PIEZO2: variants seen among roughly 807,000 people sequenced by gnomAD.
PIEZO2 encodes piezo type mechanosensitive ion channel component 2, also known as piezo-type mechanosensitive ion channel component 2.
In PIEZO2, 172 loss-of-function variants were observed where a neutral mutation model predicts 337.3. The ratio of observed to expected loss-of-function variants is 0.51; its 90% CI spans 0.45 to 0.58. The LOEUF (loss-of-function observed/expected upper bound fraction) is 0.58, where lower values mean the gene tolerates loss of function less well. PIEZO2 is among the 20% of genes least tolerant of loss of function. The pLI, the probability that PIEZO2 is intolerant of heterozygous loss-of-function variation, is 0.00. For missense variants in PIEZO2, 3,028 were observed against 3,391.3 expected (o/e 0.89, Z 2.66); for synonymous variants, 1,251 against 1,228.5 (o/e 1.02, Z -0.38).
chr18:10,966,874 G>A (rs1032340905), intron 3 of PIEZO2, among the ~76,000 whole-genome samples: 1 of 151,916 alleles, frequency 6.6e-6, no homozygotes, highest in Admixed American at 6.6e-5. Flanking sequence ...TACAATGTTT[G>A]GTTTCCCATT....
rs903391835 is a variant in PIEZO2 at position 11,077,151 on chromosome 18, G to T, written c.65-10929C>A. 1.3e-5 allele frequency among the ~76,000 whole-genome samples: 2 copies of T among 152,172 alleles called. No individual in the cohort carries two copies. The highest frequency in any genetic ancestry group is 4.8e-5 in the African/African-American group (2 of 41,438). ...AAAGAGCCCTTCACTGAAATCCACA[G>T]TTCCTAAGCCTACCAAAATAAAACT... On this transcript the variant is annotated intron_variant, in intron 1 of 55. Coordinates refer to ENST00000674853, the MANE Select transcript of PIEZO2 (RefSeq NM_001378183.1). The surrounding 1 kb of genome is among the most constrained non-coding windows in gnomAD (Gnocchi z 4.8).
intron 35 of PIEZO2, among the ~76,000 whole-genome samples, chr18:10,733,681 C>T (rs1338816439): frequency 1.3e-5 from 2 of 152,130 alleles, no homozygotes; most frequent in Non-Finnish European, 2.9e-5. Context: ...ATCTCCTGAC[C>T]TCGTGATCTG....
intron 51 of PIEZO2, 98 bp downstream of exon 51, chr18:10,681,563 T>A (rs992131274): frequency 1.0e-6 from 1 of 989,606 alleles, no homozygotes; most frequent in Non-Finnish European, 1.5e-6. Context: ...AAGTCCTCCT[T>A]CCCACCACCT....
rs79669916 is a variant in PIEZO2 at position 10,834,173 on chromosome 18, A to G, written c.917+21180T>C. 0.1 allele frequency among the ~76,000 whole-genome samples: 15,407 copies of G among 152,192 alleles called. 973 individuals are homozygous for G. Among genetic ancestry groups the G allele is most frequent in the African/African-American group, 0.17 (7,056 of 41,496 alleles). Reference sequence around the variant, plus strand: ...TTAGGAACATTCCATTTCCACTCTCAGTTATTTTAAAATATGCAGTACATT... The same window carrying G: ...TTAGGAACATTCCATTTCCACTCTCGGTTATTTTAAAATATGCAGTACATT... On this transcript the variant is annotated intron_variant, in intron 7 of 55. Transcript: ENST00000674853. This position sits in a 1 kb window ranked among gnomAD's most constrained non-coding sequence, Gnocchi z 4.5.
Position 11,092,545 on chromosome 18 carries a change from G to A in PIEZO2, c.65-26323C>T, listed in dbSNP as rs992296100. On this transcript the variant is annotated intron_variant, in intron 1 of 55. Transcript: ENST00000674853. The surrounding 1 kb of genome is among the most constrained non-coding windows in gnomAD (Gnocchi z 4.5). ...TTCTAGAATTAGCATAAATACTTTT[G>A]AAACCAGGAAAATAAGTTATTAATG... Among the ~76,000 whole-genome samples, 1 of 152,118 alleles carries A rather than the reference G, an allele frequency of 6.6e-6. No individual in the cohort carries two copies. The highest frequency in any genetic ancestry group is 1.5e-5 in the Non-Finnish European group (1 of 67,986).
intron 28 of PIEZO2, 65 bp downstream of exon 28, chr18:10,752,571 C>T: frequency 6.7e-7 from 1 of 1,490,634 alleles, no homozygotes; most frequent in Non-Finnish European, 9.0e-7. Flanking sequence ...TTTTAATAAC[C>T]ACTGAGTGGA....
rs911020897 is a variant in PIEZO2, at chr18:11,047,863, G to C, written c.160+18264C>G. 6.6e-6 allele frequency among the ~76,000 whole-genome samples: 1 copy of C among 152,156 alleles called. No homozygotes were observed. Among genetic ancestry groups the C allele is most frequent in the African/African-American group, 2.4e-5 (1 of 41,442 alleles). ...TGATGTTTGAGGGTGACATTCCTTTGCACCTAAGTGCAAAGGGACCTGTAA... is the reference window on the plus strand; with the variant it reads ...TGATGTTTGAGGGTGACATTCCTTTCCACCTAAGTGCAAAGGGACCTGTAA... On this transcript the variant is annotated intron_variant, in intron 2 of 55. Coordinates refer to ENST00000674853, the MANE Select transcript of PIEZO2 (RefSeq NM_001378183.1). The surrounding 1 kb of genome is among the most constrained non-coding windows in gnomAD (Gnocchi z 7.2).
intron 8 of PIEZO2, 103 bp downstream of exon 8, chr18:10,807,009 G>C: frequency 8.4e-7 from 1 of 1,185,374 alleles, no homozygotes; most frequent in Non-Finnish European, 1.2e-6. Flanking sequence ...AGTTGTGTTG[G>C]AATAGAGTAT....
In PIEZO2 at chr18:10,672,973, C is replaced by T; in HGVS notation, c.8162-100G>A. 1.0e-6 allele frequency: 1 copy of T among 961,276 alleles called. No homozygotes were observed. Among genetic ancestry groups the T allele is most frequent in the South Asian group, 1.6e-5 (1 of 61,240 alleles). The allele number at this position is 961,276 out of a possible 1,614,324, so 59.5% of individuals were successfully genotyped here. The stretch of plus-strand genomic sequence containing the variant: ...GGCAAAATCTGGTTACTAACTATAG[C>T]ATAAGGTTCTAGGATGAAAAGGATG... On this transcript the variant is annotated intron_variant, in intron 54 of 55. Transcript: ENST00000674853. The surrounding 1 kb of genome is among the most constrained non-coding windows in gnomAD (Gnocchi z 4.7).
At position 10,969,678 on chromosome 18, in the gene PIEZO2, G is replaced by A. The variant is rs141418233; in HGVS notation, c.286+9857C>T. ...ACACGTCATTCTAATATTTCTTCAT[G>A]AATTAAAAAGATGAGAAATGGGAAC... On this transcript the variant is annotated intron_variant, in intron 3 of 55. Transcript: ENST00000674853. The surrounding 1 kb of genome is among the most constrained non-coding windows in gnomAD (Gnocchi z 4.5). Among the ~76,000 whole-genome samples the A allele has an allele frequency of 1.4e-3, 220 of 151,938 alleles. 1 individual carries two copies. Among genetic ancestry groups the A allele is most frequent in the African/African-American group, 5.0e-3 (206 of 41,424 alleles).
chr18:10,719,030 C>T (rs1217854152), intron 36 of PIEZO2, among the ~76,000 whole-genome samples: 1 of 149,000 alleles, frequency 6.7e-6, no homozygotes, highest in African/African-American at 2.5e-5. Context: ...AATAAATTTG[C>T]TATGAGGTTC....
At chr18:11,075,786 CTTTT>C (rs147029235) in intron 1 of PIEZO2, among the ~76,000 whole-genome samples, 169 of 125,232 alleles carry the variant, frequency 1.3e-3, no homozygotes, top group South Asian at 5.5e-3. Context: ...AGATATATTT[CTTTT>C]TTTTTTTTTT....
At position 10,784,833 on chromosome 18, in the gene PIEZO2, G is replaced by T. The variant is rs1227294636; in HGVS notation, c.2443C>A (p.Leu815Ile). 1.3e-6 allele frequency: 2 copies of T among 1,537,756 alleles called. No individual in the cohort carries two copies. Among genetic ancestry groups the T allele is most frequent in the Middle Eastern group, 1.7e-4 (1 of 5,996 alleles). The stretch of plus-strand genomic sequence containing the variant: ...CTGGGAATGGACTTGAGGTCTGTGA[G>T]TTCAAGGAACCGGTCATGGAAGTAG... ...LHYFHDRFLE[L>I]TDLKSIPSKE... is the part of the protein sequence containing the mutation. The change falls in exon 17 of 56, where the codon CTC becomes ATC. Residue 815 changes from leucine to isoleucine, a missense_variant. By Grantham distance (5) the Leu-to-Ile change is conservative. Coordinates refer to ENST00000674853, the MANE Select transcript of PIEZO2 (RefSeq NM_001378183.1). This position sits in a 1 kb window ranked among gnomAD's most constrained non-coding sequence, Gnocchi z 4.5.
intron 27 of PIEZO2, among the ~76,000 whole-genome samples, chr18:10,755,761 G>A (rs930056731): frequency 2.0e-5 from 3 of 152,126 alleles, no homozygotes; most frequent in Non-Finnish European, 2.9e-5. Context: ...ACAGGCACAG[G>A]GTGGAATCTA....
rs1254606331 is a variant in PIEZO2, at chr18:10,784,550, C to A, written c.2492+234G>T. Among the ~76,000 whole-genome samples, 7 of 152,220 alleles carry A rather than the reference C, an allele frequency of 4.6e-5. No homozygotes were observed. Among genetic ancestry groups the A allele is most frequent in the African/African-American group, 1.4e-4 (6 of 41,442 alleles). On this transcript the variant is annotated intron_variant, in intron 17 of 55. Transcript: ENST00000674853. The surrounding 1 kb of genome is among the most constrained non-coding windows in gnomAD (Gnocchi z 4.5). ...CTCCACAGCTACTCTGAATATCTCA[C>A]AAGACGATCAAGATCACTTTACATT...
intron 2 of PIEZO2, among the ~76,000 whole-genome samples, chr18:11,000,596 T>C (rs566117237): frequency 3.5e-4 from 54 of 152,274 alleles, no homozygotes; most frequent in African/African-American, 1.3e-3. Context: ...GCAGGGCTCA[T>C]TGCTTCTACA....
At chr18:11,004,138 A>T (rs1244839413) in intron 2 of PIEZO2, among the ~76,000 whole-genome samples, 1 of 152,144 alleles carries the variant, frequency 6.6e-6, no homozygotes, top group Non-Finnish European at 1.5e-5. Context: ...GTTCCCAGGG[A>T]TCTATGAGAA....
At chr18:10,737,907 G>A (rs1191730830) in intron 33 of PIEZO2, 2 of 152,214 alleles carry the variant, frequency 1.3e-5, no homozygotes, top group Non-Finnish European at 2.9e-5. Context: ...ACCTTGGCTT[G>A]TTTAAAATTA....
rs1489232342 is a variant in PIEZO2 at position 10,929,419 on chromosome 18, C to T, written c.287-18191G>A. Among the ~76,000 whole-genome samples the T allele has an allele frequency of 6.6e-6, 1 of 152,184 alleles. No individual in the cohort carries two copies. On this transcript the variant is annotated intron_variant, in intron 3 of 55. Transcript: ENST00000674853. This position sits in a 1 kb window ranked among gnomAD's most constrained non-coding sequence, Gnocchi z 5.6. ...CCGAATTATTTTGATCAGATTCAGA[C>T]ATGTTTTCCCATATCTTTAAGTAAG...
Sources: gnomAD v4.1 joint callset for allele counts (sites outside exome capture counted in the v4.1 genomes callset) on GRCh38, gnomAD v4.1.1 for gene constraint, Gnocchi (gnomAD v3.1) non-coding constraint, MANE v1.5 for transcripts, NCBI Gene and HGNC (gene_info 2026-07-23, HGNC 2026-07-21) for gene names.